Variants in PPIP5K2 observed in about 807,000 individuals in gnomAD.
PPIP5K2 encodes diphosphoinositol pentakisphosphate kinase 2.
PPIP5K2 carries 105 observed loss-of-function variants against 154.6 expected under a neutral mutation model. That is an observed-to-expected ratio of 0.68 (90% CI 0.58 to 0.80). The LOEUF is 0.80. Among genes scored for constraint, PPIP5K2 ranks in the 30% least tolerant of loss-of-function variants. The pLI, the probability that PPIP5K2 is intolerant of heterozygous loss-of-function variation, is 0.00. For missense variants in PPIP5K2, 992 were observed against 1,504.6 expected (o/e 0.66, Z 5.64); for synonymous variants, 480 against 490.3 (o/e 0.98, Z 0.28).
At chr5:103,140,823 C>T (rs1163265912) in intron 5 of PPIP5K2, among the ~76,000 whole-genome samples, 32 of 127,204 alleles carry the variant, frequency 2.5e-4, no homozygotes, top group African/African-American at 9.0e-4. Context: ...GGCGACAGAA[C>T]GAGACTCCGT....
intron 5 of PPIP5K2, among the ~76,000 whole-genome samples, chr5:103,145,733 T>C (rs892793637): frequency 6.6e-6 from 1 of 151,868 alleles, no homozygotes; most frequent in African/African-American, 2.4e-5. Context: ...AGGGAAGGGT[T>C]GCAAGGATGA....
intron 1 of PPIP5K2, among the ~76,000 whole-genome samples, chr5:103,123,003 A>G (rs1431524694): frequency 6.6e-6 from 1 of 152,224 alleles, no homozygotes; most frequent in Admixed American, 6.5e-5. Context: ...AAAGGTGTAA[A>G]GAGGTCTCCA....
At chr5:103,200,892 C>T (rs1039595425) in intron 30 of PPIP5K2, among the ~76,000 whole-genome samples, 1 of 152,056 alleles carries the variant, frequency 6.6e-6, no homozygotes, top group East Asian at 1.9e-4. Context: ...CCCACGTTGG[C>T]CCTCCAAAGT....
At chr5:103,143,059 G>C (rs542165780) in intron 5 of PPIP5K2, among the ~76,000 whole-genome samples, 1 of 152,100 alleles carries the variant, frequency 6.6e-6, no homozygotes, top group Non-Finnish European at 1.5e-5. Flanking sequence ...TATTTTCTTT[G>C]TAATCAGAGT....
intron 1 of PPIP5K2, among the ~76,000 whole-genome samples, chr5:103,127,401 A>G (rs1334330505): frequency 6.6e-6 from 1 of 152,212 alleles, no homozygotes; most frequent in African/African-American, 2.4e-5. Flanking sequence ...TTATTTGGCT[A>G]TCTTCCTACT....
Position 103,159,141 on chromosome 5 carries a change from C to T in PPIP5K2, c.1738-5C>T. Reference sequence around the variant, plus strand: ...ATTCGTGTTTTCTTTATTTAATATGCTTAGGGGCTTTTAGCTTTGGAAGGA... The same window carrying T: ...ATTCGTGTTTTCTTTATTTAATATGTTTAGGGGCTTTTAGCTTTGGAAGGA... On this transcript the variant is annotated splice_region_variant and splice_polypyrimidine_tract_variant and intron_variant, in intron 16 of 30. Coordinates refer to ENST00000358359, the MANE Select transcript of PPIP5K2 (RefSeq NM_001276277.3). 2 of 1,552,778 alleles carry T rather than the reference C, an allele frequency of 1.3e-6. No individual in the cohort carries two copies. Among genetic ancestry groups the T allele is most frequent in the East Asian group, 4.6e-5 (2 of 43,754 alleles).
At chr5:103,173,027 G>A (rs1188858216) in intron 19 of PPIP5K2, 128 bp from the exon 20 acceptor site, 10 of 660,362 alleles carry the variant, frequency 1.5e-5, no homozygotes, top group African/African-American at 5.7e-5. Flanking sequence ...ATGCAAACTC[G>A]GAGTTATCCA....
At chr5:103,194,764 C>T in intron 29 of PPIP5K2, 136 bp from the exon 30 acceptor site, 10 of 923,554 alleles carry the variant, frequency 1.1e-5, no homozygotes, top group South Asian at 3.9e-5. Context: ...GGTGATTTTG[C>T]TGAATTTACC....
chr5:103,136,949 A>C, intron 4 of PPIP5K2, 127 bp downstream of exon 4: 1 of 700,508 alleles, frequency 1.4e-6, no homozygotes. Context: ...TAATACTCAG[A>C]AATAGTTATT....
In PPIP5K2 at chr5:103,210,336, T is replaced by G. The variant is rs1299912855; in HGVS notation, c.*8702T>G. The G allele has an allele frequency of 1.3e-5, 2 of 152,178 alleles. No individual in the cohort carries two copies. Among genetic ancestry groups the G allele is most frequent in the Non-Finnish European group, 2.9e-5 (2 of 68,002 alleles). The allele number at this position is 152,178 out of a possible 1,614,324, so 9.4% of individuals were successfully genotyped here. A position where few individuals can be genotyped will look rare whatever the true frequency, so the allele number is the denominator to read the frequency against. On this transcript the variant is annotated 3_prime_UTR_variant, in exon 31 of 31. Transcript: ENST00000358359. ...CTGAGCAAGAGGATAGATCATTGAA[T>G]AGATGCTTTAATTCCATTTTTGACA... is the stretch of plus-strand genomic sequence containing the variant.
In PPIP5K2 at chr5:103,202,935, T is replaced by C. The variant is rs2149871560; in HGVS notation, c.*1301T>C. 1 of 152,706 alleles carries C rather than the reference T, an allele frequency of 6.5e-6. No individual in the cohort carries two copies. Among genetic ancestry groups the C allele is most frequent in the Non-Finnish European group, 1.5e-5 (1 of 67,988 alleles). The allele number at this position is 152,706 out of a possible 1,614,324, so 9.5% of individuals were successfully genotyped here. A position where few individuals can be genotyped will look rare whatever the true frequency, so the allele number is the denominator to read the frequency against. ...CAAATGAGACTCTTCTCACCTTAAATAGTCATATATTAATTAACTTATAGG... is the reference window on the plus strand; with the variant it reads ...CAAATGAGACTCTTCTCACCTTAAACAGTCATATATTAATTAACTTATAGG... On this transcript the variant is annotated 3_prime_UTR_variant, in exon 31 of 31. Coordinates refer to ENST00000358359, the MANE Select transcript of PPIP5K2 (RefSeq NM_001276277.3).
chr5:103,201,494 T>G (rs1802994205), intron 30 of PPIP5K2, 28 bp from the exon 31 acceptor site: 4 of 1,333,354 alleles, frequency 3.0e-6, no homozygotes, highest in Middle Eastern at 2.1e-4. Context: ...AAGCAATAGT[T>G]TTTTTTTTTT....
chr5:103,126,192 A>T (rs900976331), intron 1 of PPIP5K2, among the ~76,000 whole-genome samples: 1 of 152,188 alleles, frequency 6.6e-6, no homozygotes, highest in Non-Finnish European at 1.5e-5. Flanking sequence ...TCTTTCTAAC[A>T]TGTATTTATT....
chr5:103,204,266 A>G lies in PPIP5K2; in HGVS notation c.*2632A>G, dbSNP rs879963414. The G allele has an allele frequency of 6.6e-6, 1 of 152,220 alleles. No individual in the cohort carries two copies. Among genetic ancestry groups the G allele is most frequent in the Non-Finnish European group, 1.5e-5 (1 of 68,052 alleles). 9.4% of individuals were successfully genotyped at this position (152,220 alleles called of 1,614,324 possible). On this transcript the variant is annotated 3_prime_UTR_variant, in exon 31 of 31. Transcript: ENST00000358359. ...TAAGAATTTGCTTTACACATAGTGT[A>G]CAGTGTTTATTAACTTTACATCATT...
chr5:103,131,333 A>G (rs1453296464), intron 2 of PPIP5K2, among the ~76,000 whole-genome samples: 1 of 152,200 alleles, frequency 6.6e-6, no homozygotes, highest in East Asian at 1.9e-4. Context: ...AATTACTTAT[A>G]TCTAATACAA....
intron 5 of PPIP5K2, 61 bp from the exon 6 acceptor site, chr5:103,146,466 T>C: frequency 3.9e-6 from 6 of 1,526,784 alleles, no homozygotes; most frequent in Non-Finnish European, 3.6e-6. Context: ...GATAATAATG[T>C]GGTGTCCTGA....
rs1554232516 is a variant in PPIP5K2, at chr5:103,210,238, A to T, written c.*8604A>T. 2 of 152,198 alleles carry T rather than the reference A, an allele frequency of 1.3e-5. No individual in the cohort carries two copies. Among genetic ancestry groups the T allele is most frequent in the South Asian group, 4.1e-4 (2 of 4,824 alleles). The allele number at this position is 152,198 out of a possible 1,614,324, so 9.4% of individuals were successfully genotyped here. A position where few individuals can be genotyped will look rare whatever the true frequency, so the allele number is the denominator to read the frequency against. On this transcript the variant is annotated 3_prime_UTR_variant, in exon 31 of 31. Transcript: ENST00000358359. ...AAGGAAAGCATGGAGTAATTTCAGA[A>T]CTCCAGTAAGAAGTGATAAATGTCT...
At chr5:103,183,781 T>C (rs953766771) in intron 25 of PPIP5K2, among the ~76,000 whole-genome samples, 7 of 152,198 alleles carry the variant, frequency 4.6e-5, no homozygotes, top group African/African-American at 1.7e-4. Flanking sequence ...GAAAATGTAT[T>C]AATATTTTCT....
chr5:103,120,356 C>T lies in PPIP5K2; in HGVS notation c.-417C>T, dbSNP rs1043851339. 2.2e-6 allele frequency: 1 copy of T among 454,846 alleles called. No individual in the cohort carries two copies. Among genetic ancestry groups the T allele is most frequent in the South Asian group, 1.6e-5 (1 of 64,460 alleles). The allele number at this position is 454,846 out of a possible 1,614,324, so 28.2% of individuals were successfully genotyped here. On this transcript the variant is annotated 5_prime_UTR_variant, in exon 1 of 31. Transcript: ENST00000358359. ...TATAGCTGTTACTGAAGGAAGTAGC[C>T]TACGTCCACGCCTACAACTGAAGTC... is the stretch of plus-strand genomic sequence containing the variant.
Sources: gnomAD v4.1 joint callset for allele counts (sites outside exome capture counted in the v4.1 genomes callset) on GRCh38, gnomAD v4.1.1 for gene constraint, MANE v1.5 for transcripts, NCBI Gene and HGNC (gene_info 2026-07-23, HGNC 2026-07-21) for gene names.